The following CSMD1 variants were observed in gnomAD, a reference collection of about 807,000 sequenced individuals.
The protein encoded by CSMD1 is CUB and Sushi multiple domains 1.
A neutral mutation model predicts 417.5 loss-of-function variants in CSMD1; 213 were observed. That is an observed-to-expected ratio of 0.51 (90% CI 0.46 to 0.57). The LOEUF is 0.57. Among genes scored for constraint, CSMD1 ranks in the 20% least tolerant of loss-of-function variants. The pLI, the probability that CSMD1 is intolerant of heterozygous loss-of-function variation, is 0.00. For synonymous variants in CSMD1, 2,862 were observed against 1,736.8 expected, an observed-to-expected ratio of 1.65 and a Z score of -16.11; for missense variants, 6,923 against 4,529.7, an observed-to-expected ratio of 1.53 and a Z score of -15.17.
At chr8:4,086,336 C>T (rs1800418539) in intron 3 of CSMD1, among the ~76,000 whole-genome samples, 1 of 152,166 alleles carries the variant, frequency 6.6e-6, no homozygotes, top group Non-Finnish European at 1.5e-5. Flanking sequence ...TTTCATTAAG[C>T]ACTAATTCTT....
intron 5 of CSMD1, among the ~76,000 whole-genome samples, chr8:3,818,095 A>C (rs1801498411): frequency 6.6e-6 from 1 of 151,966 alleles, no homozygotes; most frequent in Non-Finnish European, 1.5e-5. Flanking sequence ...CCAGCCTGGC[A>C]CCATGTTATT....
At chr8:4,801,461 C>T (rs1340435732) in intron 1 of CSMD1, among the ~76,000 whole-genome samples, 28 of 149,960 alleles carry the variant, frequency 1.9e-4, no homozygotes, top group Non-Finnish European at 1.3e-4. Context: ...CCTCAGATGG[C>T]TTTTTTTTTT....
intron 37 of CSMD1, among the ~76,000 whole-genome samples, chr8:3,171,925 C>A (rs1046650184): frequency 6.6e-6 from 1 of 152,104 alleles, no homozygotes; most frequent in African/African-American, 2.4e-5. Context: ...TTCAGAAACC[C>A]ACTGTGACTC....
intron 3 of CSMD1, among the ~76,000 whole-genome samples, chr8:4,346,334 A>T (rs567524966): frequency 9.2e-5 from 14 of 152,318 alleles, no homozygotes; most frequent in African/African-American, 2.9e-4. Context: ...TTTTACTGGA[A>T]AGCAGCCATG....
At chr8:4,083,079 G>A (rs1209071827) in intron 3 of CSMD1, among the ~76,000 whole-genome samples, 1 of 151,928 alleles carries the variant, frequency 6.6e-6, no homozygotes, top group Admixed American at 6.6e-5. Context: ...AAACATACAT[G>A]TGCATGTTTC....
At chr8:4,204,902 C>A (rs908551737) in intron 3 of CSMD1, among the ~76,000 whole-genome samples, 1 of 152,114 alleles carries the variant, frequency 6.6e-6, no homozygotes, top group Non-Finnish European at 1.5e-5. Context: ...CTCAAAGATC[C>A]TCCCATCTCA....
intron 3 of CSMD1, among the ~76,000 whole-genome samples, chr8:4,342,340 C>G (rs959472959): frequency 6.6e-6 from 1 of 151,968 alleles, no homozygotes; most frequent in Admixed American, 6.6e-5. Context: ...ATTACACACA[C>G]AGAAAAATAT....
Position 4,417,144 on chromosome 8 carries a change from G to C in CSMD1, c.415+2809C>G, listed in dbSNP as rs1796984772. ...ATACACTTAATTGCTGAGACTTGCT[G>C]AGGTCTATATTCAGAAAGTCAAATA... On this transcript the variant is annotated intron_variant, in intron 3 of 69. Coordinates refer to ENST00000635120, the MANE Select transcript of CSMD1 (RefSeq NM_033225.6). 4.6e-5 allele frequency among the ~76,000 whole-genome samples: 7 copies of C among 152,092 alleles called. No homozygotes were observed. The South Asian group carries it at 1.5e-3, about 32-fold the overall frequency.
intron 1 of CSMD1, among the ~76,000 whole-genome samples, chr8:4,743,409 T>A (rs1216012583): frequency 1.3e-5 from 2 of 152,112 alleles, no homozygotes; most frequent in Non-Finnish European, 1.5e-5. Flanking sequence ...GGGAGTGGTA[T>A]CTTCAAAGCA....
intron 32 of CSMD1, 81 bp from the exon 33 acceptor site, chr8:3,199,890 T>A: frequency 2.6e-6 from 2 of 774,358 alleles, no homozygotes; most frequent in East Asian, 5.6e-5. Flanking sequence ...GGTGATAAAG[T>A]TGAAATTTCA....
intron 5 of CSMD1, among the ~76,000 whole-genome samples, chr8:3,849,586 A>G (rs778205796): frequency 6.6e-6 from 1 of 152,126 alleles, no homozygotes; most frequent in Non-Finnish European, 1.5e-5. Flanking sequence ...AATGCTCCAC[A>G]TGGGAAAAGA....
At chr8:4,463,415 A>C (rs977403638) in intron 2 of CSMD1, among the ~76,000 whole-genome samples, 2 of 152,222 alleles carry the variant, frequency 1.3e-5, no homozygotes, top group Non-Finnish European at 2.9e-5. Context: ...GCAAATCCAC[A>C]GCTAGTTCTA....
At chr8:2,975,017 G>A (rs1213832734) in intron 55 of CSMD1, among the ~76,000 whole-genome samples, 2 of 152,184 alleles carry the variant, frequency 1.3e-5, no homozygotes, top group Admixed American at 1.3e-4. Context: ...GATGTTTTCA[G>A]TTAATATGAC....
intron 1 of CSMD1, among the ~76,000 whole-genome samples, chr8:4,680,935 AATCT>A (rs1288484780): frequency 3.6e-5 from 5 of 140,012 alleles, no homozygotes; most frequent in East Asian, 2.2e-4. Context: ...ACAAACCCCT[AATCT>A]ATCTATATTG....
chr8:4,288,331 C>T (rs1437127141), intron 3 of CSMD1, among the ~76,000 whole-genome samples: 1 of 152,162 alleles, frequency 6.6e-6, no homozygotes, highest in African/African-American at 2.4e-5. Flanking sequence ...GGGCTCCCTT[C>T]ACCCTTCAAT....
chr8:4,037,411 G>A (rs1268825403), intron 3 of CSMD1, among the ~76,000 whole-genome samples: 2 of 152,192 alleles, frequency 1.3e-5, no homozygotes, highest in South Asian at 4.1e-4. Context: ...GCATTATAGA[G>A]AATAAAGAGG....
At chr8:4,574,207 G>C (rs1020086414) in intron 2 of CSMD1, among the ~76,000 whole-genome samples, 3 of 152,268 alleles carry the variant, frequency 2.0e-5, no homozygotes, top group Admixed American at 6.5e-5. Context: ...GTATCTGTCT[G>C]AACAGCTGCC....
chr8:3,736,044 C>T (rs142676492), intron 6 of CSMD1, among the ~76,000 whole-genome samples: 1 of 152,026 alleles, frequency 6.6e-6, no homozygotes, highest in East Asian at 1.9e-4. Flanking sequence ...ATACAAAGAA[C>T]TACCTAAAGC....
At chr8:4,355,743 C>T (rs903376070) in intron 3 of CSMD1, among the ~76,000 whole-genome samples, 1 of 152,190 alleles carries the variant, frequency 6.6e-6, no homozygotes, top group Non-Finnish European at 1.5e-5. Context: ...CATTTTCCCC[C>T]TGCATGAAGC....
Sources: allele counts gnomAD v4.1 joint callset (sites outside exome capture counted in the v4.1 genomes callset), GRCh38; gene constraint gnomAD v4.1.1; transcripts MANE v1.5; gene names NCBI Gene and HGNC (gene_info 2026-07-23, HGNC 2026-07-21).